Variants in GALNT17 observed in about 807,000 individuals in gnomAD.
The protein encoded by GALNT17 is UDP-GalNAc:polypeptide N-acetylgalactosaminyltransferase-like 3.
GALNT17 carries 29 observed loss-of-function variants against 63.7 expected under a neutral mutation model. The ratio of observed to expected loss-of-function variants is 0.46; its 90% CI spans 0.34 to 0.62. The LOEUF is 0.62. GALNT17 is among the 20% of genes least tolerant of loss of function. The pLI, the probability that GALNT17 is intolerant of heterozygous loss-of-function variation, is 0.01. For missense variants in GALNT17, 603 were observed against 799.6 expected (o/e 0.75, Z 2.97); for synonymous variants, 305 against 318.3 (o/e 0.96, Z 0.45).
At chr7:71,495,102 G>A (rs1445137503) in intron 5 of GALNT17, among the ~76,000 whole-genome samples, 1 of 151,946 alleles carries the variant, frequency 6.6e-6, no homozygotes, top group Non-Finnish European at 1.5e-5. Flanking sequence ...GTGAAACCCT[G>A]TCTCTACTAA....
At chr7:71,464,909 G>A (rs1344572975) in intron 5 of GALNT17, among the ~76,000 whole-genome samples, 1 of 152,222 alleles carries the variant, frequency 6.6e-6, no homozygotes, top group Non-Finnish European at 1.5e-5. Context: ...CAGCCAATAA[G>A]TAAAGAGACA....
chr7:71,528,909 A>C (rs1043212367), intron 5 of GALNT17, among the ~76,000 whole-genome samples: 2 of 152,062 alleles, frequency 1.3e-5, no homozygotes, highest in African/African-American at 4.8e-5. Context: ...CCGAGGAGGG[A>C]AGATCACCTG....
chr7:71,369,141 A>C (rs947797464), intron 2 of GALNT17, among the ~76,000 whole-genome samples: 3 of 152,216 alleles, frequency 2.0e-5, no homozygotes, highest in Non-Finnish European at 4.4e-5. Flanking sequence ...GCTCTGCACA[A>C]CCTACTCTTA....
intron 4 of GALNT17, among the ~76,000 whole-genome samples, chr7:71,416,584 C>T (rs1191399037): frequency 6.6e-6 from 1 of 151,942 alleles, no homozygotes; most frequent in Non-Finnish European, 1.5e-5. Context: ...TGCACTCCAG[C>T]CTGGGTGACA....
chr7:71,164,743 A>C (rs1040569900), intron 1 of GALNT17, among the ~76,000 whole-genome samples: 3 of 152,210 alleles, frequency 2.0e-5, no homozygotes, highest in African/African-American at 7.2e-5. Context: ...TCCTGCTGTC[A>C]GTCATTCATT....
chr7:71,417,012 T>A (rs1274583120), intron 4 of GALNT17, among the ~76,000 whole-genome samples: 1 of 152,186 alleles, frequency 6.6e-6, no homozygotes, highest in Non-Finnish European at 1.5e-5. Flanking sequence ...CTTTCCAGTT[T>A]TAAAGCATGG....
intron 6 of GALNT17, among the ~76,000 whole-genome samples, chr7:71,596,823 A>G (rs1216626302): frequency 6.6e-6 from 1 of 151,992 alleles, no homozygotes; most frequent in African/African-American, 2.4e-5. Context: ...GGACCCTAGC[A>G]ACACTCAGGA....
At chr7:71,467,101 T>C (rs1370075039) in intron 5 of GALNT17, among the ~76,000 whole-genome samples, 1 of 152,200 alleles carries the variant, frequency 6.6e-6, no homozygotes, top group Non-Finnish European at 1.5e-5. Flanking sequence ...ATGAAGTTCC[T>C]AAATAGCTTC....
chr7:71,361,092 G>T (rs955545121), intron 2 of GALNT17, among the ~76,000 whole-genome samples: 1 of 152,036 alleles, frequency 6.6e-6, no homozygotes, highest in Non-Finnish European at 1.5e-5. Flanking sequence ...CATCCTGGGG[G>T]CTCATTATTA....
chr7:71,178,757 T>C lies in GALNT17; in HGVS notation c.238+45717T>C, dbSNP rs980749657. Reference sequence around the variant, plus strand: ...TTTGGGGGTTAGATTCCCCATCTGTTCATTCATTGTGTATATATTTTTCAT... The same window carrying C: ...TTTGGGGGTTAGATTCCCCATCTGTCCATTCATTGTGTATATATTTTTCAT... On this transcript the variant is annotated intron_variant, in intron 1 of 10. Transcript: ENST00000333538. Among the ~76,000 whole-genome samples, 16 of 152,338 alleles carry C rather than the reference T, an allele frequency of 1.1e-4. No individual in the cohort carries two copies. In the East Asian group the frequency reaches 2.3e-3, roughly 22 times the overall value.
At chr7:71,196,040 T>C (rs552591588) in intron 1 of GALNT17, among the ~76,000 whole-genome samples, 44 of 152,334 alleles carry the variant, frequency 2.9e-4, no homozygotes, top group Admixed American at 5.2e-4. Flanking sequence ...GTGACTTCAC[T>C]GGGGTAGAAC....
At chr7:71,422,331 C>A (rs1786681349) in intron 5 of GALNT17, among the ~76,000 whole-genome samples, 1 of 152,152 alleles carries the variant, frequency 6.6e-6, no homozygotes, top group African/African-American at 2.4e-5. Context: ...CTTATAAAGG[C>A]TTTTGTGATT....
At chr7:71,393,617 C>T (rs915915427) in intron 3 of GALNT17, among the ~76,000 whole-genome samples, 3 of 151,980 alleles carry the variant, frequency 2.0e-5, no homozygotes, top group Non-Finnish European at 2.9e-5. Context: ...GATCTATTCT[C>T]AGACTCACTA....
chr7:71,238,342 A>G (rs1789934063), intron 1 of GALNT17, among the ~76,000 whole-genome samples: 1 of 152,156 alleles, frequency 6.6e-6, no homozygotes, highest in Non-Finnish European at 1.5e-5. Flanking sequence ...TCACATTTGC[A>G]TCTAGCTGCA....
chr7:71,530,492 G>A (rs879929689), intron 5 of GALNT17, among the ~76,000 whole-genome samples: 6 of 152,132 alleles, frequency 3.9e-5, no homozygotes, highest in Admixed American at 6.6e-5. Context: ...TGTCAACACC[G>A]ATTGCACAAA....
At chr7:71,222,701 C>T (rs1262416129) in intron 1 of GALNT17, among the ~76,000 whole-genome samples, 1 of 152,170 alleles carries the variant, frequency 6.6e-6, no homozygotes, top group Admixed American at 6.5e-5. Context: ...GGGGGAAGGA[C>T]ATCAGAGAGG....
chr7:71,137,184 G>C (rs962817518), intron 1 of GALNT17, among the ~76,000 whole-genome samples: 2 of 137,186 alleles, frequency 1.5e-5, no homozygotes, highest in African/African-American at 5.4e-5. Context: ...CTGTCACCCA[G>C]GCTGGAGCGC....
chr7:71,622,604 A>G (rs1464902), intron 6 of GALNT17, among the ~76,000 whole-genome samples: 145,659 of 152,140 alleles, frequency 0.96, 70,038 homozygotes, highest in East Asian at 1. Context: ...TTTAGGATCT[A>G]ACACTTCCAG....
At chr7:71,426,001 CCACA>C (rs1180822393) in intron 5 of GALNT17, among the ~76,000 whole-genome samples, 4 of 152,102 alleles carry the variant, frequency 2.6e-5, no homozygotes, top group African/African-American at 9.7e-5. Flanking sequence ...GGAGAAGGTG[CCACA>C]CACTTGTAAA....
Sources: allele counts gnomAD v4.1 joint callset (sites outside exome capture counted in the v4.1 genomes callset), GRCh38; gene constraint gnomAD v4.1.1; transcripts MANE v1.5; gene names NCBI Gene and HGNC (gene_info 2026-07-23, HGNC 2026-07-21).